Variants in FSIP2 observed in about 807,000 individuals in gnomAD.
FSIP2 encodes the protein fibrous sheath interacting protein 2.
FSIP2 carries 367 observed loss-of-function variants against 510.5 expected under a neutral mutation model. That is an observed-to-expected ratio of 0.72 (90% CI 0.66 to 0.78). The LOEUF (loss-of-function observed/expected upper bound fraction) is 0.78, where lower values mean the gene tolerates loss of function less well. Ranked by LOEUF, FSIP2 falls within the 30% of genes least tolerant of loss-of-function variation. The pLI is 0.00. For synonymous variants in FSIP2, 2,601 were observed against 2,732.2 expected, an observed-to-expected ratio of 0.95 and a Z score of 1.50; for missense variants, 7,594 against 7,901.7, an observed-to-expected ratio of 0.96 and a Z score of 1.48.
In FSIP2 at chr2:185,791,278, G is replaced by C; in HGVS notation, c.4142G>C (p.Arg1381Pro). The C allele has an allele frequency of 6.5e-7, 1 of 1,534,004 alleles. No individual in the cohort carries two copies. Among genetic ancestry groups the C allele is most frequent in the South Asian group, 1.2e-5 (1 of 83,994 alleles). The stretch of plus-strand genomic sequence containing the variant: ...CAAAGAAGCATTTCACTCTCTTCTC[G>C]TAAGCCAAAGTCTGCAACTGACAGT... ...AHQRSISLSS[R>P]KPKSATDSVD... Residue 1381 changes from arginine to proline, a missense_variant, in exon 16 of 23, where the codon CGT (arginine) becomes CCT (proline). Transcript: ENST00000424728.
chr2:185,746,044 G>T (rs1276066258), intron 5 of FSIP2, among the ~76,000 whole-genome samples: 1 of 152,026 alleles, frequency 6.6e-6, no homozygotes, highest in Admixed American at 6.6e-5. Context: ...CCATGGACAA[G>T]CCCATTTCTT....
Position 185,794,708 on chromosome 2 carries a change from C to T in FSIP2, c.7572C>T (p.Asp2524=). The change falls in exon 16 of 23, where the codon GAC becomes GAT. Residue 2524 remains aspartate, a synonymous_variant. Transcript: ENST00000424728. ...CTAATTCTAAGATTAAAACATCAGA[C>T]ACAACACAGAAAAACAGTTTTCAAT... is the stretch of plus-strand genomic sequence containing the variant. ...FISNSKIKTS[D]TTQKNSFQSH... is the part of the protein sequence containing the mutation. 1.3e-6 allele frequency: 2 copies of T among 1,533,860 alleles called. No individual in the cohort carries two copies. Among genetic ancestry groups the T allele is most frequent in the Non-Finnish European group, 1.7e-6 (2 of 1,145,396 alleles).
At chr2:185,760,519 A>G (rs1379958999) in intron 9 of FSIP2, among the ~76,000 whole-genome samples, 3 of 147,956 alleles carry the variant, frequency 2.0e-5, no homozygotes, top group Non-Finnish European at 4.5e-5. Context: ...ATAAAATAAT[A>G]TAAACAAGTA....
intron 13 of FSIP2, among the ~76,000 whole-genome samples, chr2:185,775,810 T>C (rs1315143079): frequency 6.6e-6 from 1 of 152,018 alleles, no homozygotes; most frequent in East Asian, 1.9e-4. Flanking sequence ...ATTACAGGTG[T>C]GCACCACCAT....
At chr2:185,745,289 G>A (rs1453967621) in intron 4 of FSIP2, 140 bp from the exon 5 acceptor site, 1 of 463,740 alleles carries the variant, frequency 2.2e-6, no homozygotes, top group African/African-American at 2.0e-5. Context: ...TTACTTGTCT[G>A]TGTCTTTAAT....
rs1168040649 is a variant in FSIP2, at chr2:185,791,487, C to A, written c.4351C>A (p.His1451Asn). Residue 1451 changes from histidine (H) to asparagine (N), a missense_variant, in exon 16 of 23, where the codon CAT (histidine) becomes AAT (asparagine). Coordinates refer to ENST00000424728, the MANE Select transcript of FSIP2 (RefSeq NM_173651.4). Reference sequence around the variant, plus strand: ...AATGTTAAGCAAGCTCCTGGGGACCCATCTTCATTCTCAGCTATCTTGTAG... The same window carrying A: ...AATGTTAAGCAAGCTCCTGGGGACCAATCTTCATTCTCAGCTATCTTGTAG... ...HEMLSKLLGTHLHSQLSCSQQ... is the reference protein window; with the variant it reads ...HEMLSKLLGTNLHSQLSCSQQ... The A allele has an allele frequency of 6.5e-7, 1 of 1,534,238 alleles. No individual in the cohort carries two copies. Among genetic ancestry groups the A allele is most frequent in the South Asian group, 1.2e-5 (1 of 83,986 alleles).
intron 19 of FSIP2, 100 bp from the exon 20 acceptor site, chr2:185,824,334 G>T: frequency 1.3e-6 from 1 of 773,482 alleles, no homozygotes; most frequent in South Asian, 1.6e-5. Flanking sequence ...TACTATTTCA[G>T]GTTTCTTTCC....
At position 185,790,393 on chromosome 2, in the gene FSIP2, C is replaced by A. The variant is rs1323701042; in HGVS notation, c.3257C>A (p.Ser1086Tyr). The A allele has an allele frequency of 6.5e-7, 1 of 1,527,570 alleles. No homozygotes were observed. The highest frequency in any genetic ancestry group is 2.4e-5 in the East Asian group (1 of 40,826). The allele number at this position is 1,527,570 out of a possible 1,614,324, so 94.6% of individuals were successfully genotyped here. The change falls in exon 16 of 23, where the codon TCT becomes TAT. Residue 1086 changes from serine to tyrosine, a missense_variant. Transcript: ENST00000424728. Reference protein sequence around the residue: ...NHEDILKKKLSSNKDISTFSQ... With the variant: ...NHEDILKKKLYSNKDISTFSQ... ...GAAGATATTTTAAAGAAAAAACTTT[C>A]TTCGAATAAAGACATTTCAACTTTC... is the stretch of plus-strand genomic sequence containing the variant.
At chr2:185,746,333 C>A (rs890421472) in intron 5 of FSIP2, among the ~76,000 whole-genome samples, 6 of 151,812 alleles carry the variant, frequency 4.0e-5, no homozygotes, top group Non-Finnish European at 5.9e-5. Context: ...GTTATTTCAG[C>A]CTTTTTTGCA....
In FSIP2 at chr2:185,795,125, T is replaced by A. The variant is rs1384915107; in HGVS notation, c.7989T>A (p.His2663Gln). 1 of 1,534,900 alleles carries A rather than the reference T, an allele frequency of 6.5e-7. No homozygotes were observed. Among genetic ancestry groups the A allele is most frequent in the Non-Finnish European group, 8.7e-7 (1 of 1,146,142 alleles). The change falls in exon 16 of 23, where the codon CAT becomes CAA. Residue 2663 changes from histidine (H) to glutamine (Q), a missense_variant. Coordinates refer to ENST00000424728, the MANE Select transcript of FSIP2 (RefSeq NM_173651.4). ...KDNPKPCFKA[H>Q]LKTRSKITTL... ...ACCCTAAGCCATGCTTTAAAGCACA[T>A]TTAAAAACAAGATCAAAAATTACCA...
At chr2:185,764,811 T>A in intron 13 of FSIP2, 1 of 386,610 alleles carries the variant, frequency 2.6e-6, no homozygotes. Flanking sequence ...AGAGAATGCA[T>A]AGACCTATCT....
intron 13 of FSIP2, among the ~76,000 whole-genome samples, chr2:185,768,516 TTA>T (rs1362526007): frequency 1.3e-5 from 2 of 152,114 alleles, no homozygotes; most frequent in African/African-American, 4.8e-5. Flanking sequence ...ATTGAAAAAA[TTA>T]TCTTTCCCTA....
intron 9 of FSIP2, among the ~76,000 whole-genome samples, chr2:185,757,679 T>A (rs1381544320): frequency 2.8e-5 from 1 of 36,184 alleles, no homozygotes; most frequent in East Asian, 7.4e-4. Context: ...ATTTGCCCCA[T>A]ACAGTTTTGC....
Position 185,795,164 on chromosome 2 carries a change from T to A in FSIP2, c.8028T>A (p.Phe2676Leu). Reference sequence around the variant, plus strand: ...CAAAAATTACCACTTTGCCTAAATTTACAAAAAAAACACACTTAGGACTGA... The same window carrying A: ...CAAAAATTACCACTTTGCCTAAATTAACAAAAAAAACACACTTAGGACTGA... Reference protein sequence around the residue: ...TRSKITTLPKFTKKTHLGLSA... With the variant: ...TRSKITTLPKLTKKTHLGLSA... The change falls in exon 16 of 23, where the codon TTT becomes TTA. Residue 2676 changes from phenylalanine to leucine, a missense_variant. Coordinates refer to ENST00000424728, the MANE Select transcript of FSIP2 (RefSeq NM_173651.4). 3.3e-6 allele frequency: 5 copies of A among 1,534,188 alleles called. No homozygotes were observed. Among genetic ancestry groups the A allele is most frequent in the Non-Finnish European group, 4.4e-6 (5 of 1,146,018 alleles).
chr2:185,772,311 G>T (rs531315415), intron 13 of FSIP2, among the ~76,000 whole-genome samples: 32 of 152,144 alleles, frequency 2.1e-4, no homozygotes, highest in African/African-American at 7.2e-4. Context: ...TTATAGCAAT[G>T]CCTTACTTCT....
intron 15 of FSIP2, chr2:185,787,881 C>T (rs539091339): frequency 2.0e-5 from 3 of 151,658 alleles, no homozygotes; most frequent in African/African-American, 4.8e-5. Flanking sequence ...TAATTTGTTA[C>T]CTTACTTTAG....
chr2:185,823,678 T>C (rs963167160), intron 19 of FSIP2, among the ~76,000 whole-genome samples: 2 of 151,636 alleles, frequency 1.3e-5, no homozygotes, highest in Admixed American at 1.3e-4. Flanking sequence ...GAAAACAGTA[T>C]TGGGGGTTTC....
Position 185,796,509 on chromosome 2 carries a change from C to T in FSIP2, c.9373C>T (p.Leu3125=), listed in dbSNP as rs1574188767. ...TGTAGCAAGTGAGATCATTGGCACA[C>T]TAATGGACCAGTGTACTTATTTCAA... ...NIVASEIIGT[L]MDQCTYFNES... is the part of the protein sequence containing the mutation. The change falls in exon 16 of 23, where the codon CTA becomes TTA. Residue 3125 remains leucine, a synonymous_variant. Coordinates refer to ENST00000424728, the MANE Select transcript of FSIP2 (RefSeq NM_173651.4). The T allele has an allele frequency of 2.6e-6, 4 of 1,534,906 alleles. No homozygotes were observed. The highest frequency in any genetic ancestry group is 3.5e-6 in the Non-Finnish European group (4 of 1,146,114).
chr2:185,820,502 T>C (rs1392044758), intron 19 of FSIP2, among the ~76,000 whole-genome samples: 1 of 151,422 alleles, frequency 6.6e-6, no homozygotes, highest in East Asian at 2.0e-4. Flanking sequence ...TTGTTTTATA[T>C]ATACATATAT....
Sources: allele counts gnomAD v4.1 joint callset (sites outside exome capture counted in the v4.1 genomes callset), GRCh38; gene constraint gnomAD v4.1.1; transcripts MANE v1.5; gene names NCBI Gene and HGNC (gene_info 2026-07-23, HGNC 2026-07-21).